Variants in TRIM17 observed in about 807,000 individuals in gnomAD.
TRIM17 encodes the protein E3 ubiquitin-protein ligase TRIM17.
TRIM17 carries 27 observed loss-of-function variants against 35.8 expected under a neutral mutation model. That is an observed-to-expected ratio of 0.75 (90% confidence interval 0.56 to 1.04). The LOEUF (loss-of-function observed/expected upper bound fraction) is 1.04, where lower values mean the gene tolerates loss of function less well. Among genes scored for constraint, TRIM17 ranks in the 50% least tolerant of loss-of-function variants. The pLI is 0.00. For missense variants in TRIM17, 582 were observed against 612.8 expected, an observed-to-expected ratio of 0.95 and a Z score of 0.53; for synonymous variants, 246 against 252.6, an observed-to-expected ratio of 0.97 and a Z score of 0.25.
rs754324113 is a variant in TRIM17, at chr1:228,414,883, C to G, written c.190G>C (p.Glu64Gln). The G allele has an allele frequency of 1.1e-5, 17 of 1,613,584 alleles. No individual in the cohort carries two copies. The highest frequency in any genetic ancestry group is 1.4e-5 in the Non-Finnish European group (16 of 1,179,992). ...CTCTGCGGGGACATCTCTCTGCACT[C>G]GGGGCAGGGGAAGGAGCCCTTCCGC... ...RKRKGSFPCP[E>Q]CREMSPQRNL... Residue 64 changes from glutamate to glutamine, a missense_variant, in exon 2 of 7, where the codon GAG becomes CAG. Transcript: ENST00000366698.
intron 3 of TRIM17, among the ~76,000 whole-genome samples, chr1:228,412,351 T>G (rs1183873885): frequency 1.3e-5 from 2 of 152,066 alleles, no homozygotes; most frequent in Admixed American, 1.3e-4. Flanking sequence ...CTGCACAGAA[T>G]GGGCCTGCTG....
rs489068 is a variant in TRIM17, at chr1:228,411,436, C to G, written c.526-260G>C. On this transcript the variant is annotated intron_variant, in intron 3 of 6. Transcript: ENST00000366698. This position sits in a 1 kb window ranked among gnomAD's most constrained non-coding sequence, Gnocchi z 4.2. Reference sequence around the variant, plus strand: ...CTGAGGAGGTTCAGAATGTCCACCCCCAGATAAGCCTCTTGGGCATGTTAA... The same window carrying G: ...CTGAGGAGGTTCAGAATGTCCACCCGCAGATAAGCCTCTTGGGCATGTTAA... Among the ~76,000 whole-genome samples the G allele has an allele frequency of 9.5e-4, 144 of 152,348 alleles. No individual in the cohort carries two copies. Among genetic ancestry groups the G allele is most frequent in the African/African-American group, 3.3e-3 (136 of 41,592 alleles).
At chr1:228,413,598 C>T (rs1558457860) in intron 3 of TRIM17, among the ~76,000 whole-genome samples, 199 bp downstream of exon 3, 1 of 152,196 alleles carries the variant, frequency 6.6e-6, no homozygotes, top group African/African-American at 2.4e-5. Flanking sequence ...TTAAAATTGC[C>T]TTTTTATCTT....
rs1323312217 is a variant in TRIM17 at position 228,411,736 on chromosome 1, C to T, written c.526-560G>A. Among the ~76,000 whole-genome samples the T allele has an allele frequency of 2.0e-5, 3 of 152,216 alleles. No homozygotes were observed. Among genetic ancestry groups the T allele is most frequent in the Admixed American group, 2.0e-4 (3 of 15,286 alleles). On this transcript the variant is annotated intron_variant, in intron 3 of 6. Transcript: ENST00000366698. The surrounding 1 kb of genome is among the most constrained non-coding windows in gnomAD (Gnocchi z 4.2). ...TGACCTCCTGGCCTCAAGTGACCCT[C>T]CCACCTCAGCCTTCCAAGGAAGTGG...
chr1:228,415,399 T>A (rs1657050903), intron 1 of TRIM17: 3 of 267,852 alleles, frequency 1.1e-5, no homozygotes, highest in Non-Finnish European at 1.4e-5. Flanking sequence ...CCACATCTCA[T>A]CAGCTCCTCC....
rs1248228222 is a variant in TRIM17 at position 228,408,029 on chromosome 1, C to T, written c.*172G>A. 3.4e-6 allele frequency: 2 copies of T among 587,602 alleles called. No homozygotes were observed. The highest frequency in any genetic ancestry group is 9.3e-4 in the Middle Eastern group (2 of 2,140). The allele number at this position is 587,602 out of a possible 1,614,324, so 36.4% of individuals were successfully genotyped here. On this transcript the variant is annotated 3_prime_UTR_variant, in exon 7 of 7. Transcript: ENST00000366698. This position sits in a 1 kb window ranked among gnomAD's most constrained non-coding sequence, Gnocchi z 6.3. ...TAGGAAGCATCTGTCAGTATACCCT[C>T]TTAATGTTTGACAGTTCTAATCACA...
chr1:228,416,299 AC>A, intron 1 of TRIM17: 1 of 980,020 alleles, frequency 1.0e-6, no homozygotes, highest in East Asian at 1.1e-4. Context: ...CCGGGCAGGG[AC>A]AGCGGCAGCG....
chr1:228,412,866 A>T (rs1468125068), intron 3 of TRIM17, among the ~76,000 whole-genome samples: 1 of 152,172 alleles, frequency 6.6e-6, no homozygotes, highest in East Asian at 1.9e-4. Context: ...GCCATTGAGA[A>T]CCCGCAGAAG....
At chr1:228,416,459 G>A (rs1036954021) in intron 1 of TRIM17, 80 bp downstream of exon 1, 1 of 986,774 alleles carries the variant, frequency 1.0e-6, no homozygotes. Context: ...GTTGGAGGGC[G>A]AGGAGGACCG....
chr1:228,413,362 C>T (rs1461882228), intron 3 of TRIM17, among the ~76,000 whole-genome samples: 1 of 152,164 alleles, frequency 6.6e-6, no homozygotes, highest in Non-Finnish European at 1.5e-5. Context: ...CCTCCCCAGC[C>T]CAGAGGCCCC....
chr1:228,410,081 G>T lies in TRIM17; in HGVS notation c.757-670C>A, dbSNP rs995166535. Among the ~76,000 whole-genome samples the T allele has an allele frequency of 2.0e-5, 3 of 151,750 alleles. No homozygotes were observed. Among genetic ancestry groups the T allele is most frequent in the Non-Finnish European group, 4.4e-5 (3 of 67,936 alleles). On this transcript the variant is annotated intron_variant, in intron 4 of 6. Coordinates refer to ENST00000366698, the MANE Select transcript of TRIM17 (RefSeq NM_016102.4). The surrounding 1 kb of genome is among the most constrained non-coding windows in gnomAD (Gnocchi z 4.6). ...AACCAATGTAGTGGGTTGTGAACAG[G>T]CTGCTTTGTTTTTCCTTTTCCTTTT...
intron 3 of TRIM17, among the ~76,000 whole-genome samples, chr1:228,412,911 T>TA (rs1447381622): frequency 6.6e-6 from 1 of 151,918 alleles, no homozygotes; most frequent in African/African-American, 2.4e-5. Flanking sequence ...ATTAGCTGCC[T>TA]AAAAAAATAA....
At position 228,408,065 on chromosome 1, in the gene TRIM17, G is replaced by A. The variant is rs1031746523; in HGVS notation, c.*136C>T. ...ACAGTTCTAATCACAATTATATTTA[G>A]AATTTGAGAAACCCCCCTGTGTGTC... is the stretch of plus-strand genomic sequence containing the variant. On this transcript the variant is annotated 3_prime_UTR_variant, in exon 7 of 7. Coordinates refer to ENST00000366698, the MANE Select transcript of TRIM17 (RefSeq NM_016102.4). The surrounding 1 kb of genome is among the most constrained non-coding windows in gnomAD (Gnocchi z 6.3). 1.3e-6 allele frequency: 1 copy of A among 769,612 alleles called. No homozygotes were observed. Among genetic ancestry groups the A allele is most frequent in the African/African-American group, 1.7e-5 (1 of 57,418 alleles). The allele number at this position is 769,612 out of a possible 1,614,324, so 47.7% of individuals were successfully genotyped here. A position where few individuals can be genotyped will look rare whatever the true frequency, so the allele number is the denominator to read the frequency against.
At chr1:228,413,959 T>C (rs1656936657) in intron 2 of TRIM17, 67 bp from the exon 3 acceptor site, 2 of 1,378,092 alleles carry the variant, frequency 1.5e-6, no homozygotes, top group Non-Finnish European at 2.1e-6. Flanking sequence ...AGAGTCCAGT[T>C]GTGCTCGCTG....
rs112973247 is a variant in TRIM17, at chr1:228,410,102, CT to C, written c.757-692del. The stretch of plus-strand genomic sequence containing the variant: ...ACAGGCTGCTTTGTTTTTCCTTTTC[CT>C]TTTTTTTTTTTTTCCTAGATGTGAT... On this transcript the variant is annotated intron_variant, in intron 4 of 6. Transcript: ENST00000366698. The surrounding 1 kb of genome is among the most constrained non-coding windows in gnomAD (Gnocchi z 4.6). 0.011 allele frequency among the ~76,000 whole-genome samples: 1,499 copies of C among 142,374 alleles called. 12 individuals carry two copies. Among genetic ancestry groups the C allele is most frequent in the African/African-American group, 0.029 (1,136 of 39,010 alleles). 93.4% of individuals were successfully genotyped at this position (142,374 alleles called of 152,430 possible). A position where few individuals can be genotyped will look rare whatever the true frequency, so the allele number is the denominator to read the frequency against.
At chr1:228,415,183 C>A in intron 1 of TRIM17, 70 bp from the exon 2 acceptor site, 1 of 1,282,752 alleles carries the variant, frequency 7.8e-7, no homozygotes, top group South Asian at 1.5e-5. Flanking sequence ...TGTACAGCCT[C>A]CCTTTACAGA....
chr1:228,408,829 T>C lies in TRIM17; in HGVS notation c.884-78A>G, dbSNP rs1038307139. Reference sequence around the variant, plus strand: ...GTCAAAGGTGGGAGTCCCCGGGCCCTAGTGGTGGATGTGGCCAATGGTCCC... The same window carrying C: ...GTCAAAGGTGGGAGTCCCCGGGCCCCAGTGGTGGATGTGGCCAATGGTCCC... On this transcript the variant is annotated intron_variant, in intron 6 of 6. Transcript: ENST00000366698. The surrounding 1 kb of genome is among the most constrained non-coding windows in gnomAD (Gnocchi z 6.3). The C allele has an allele frequency of 2.0e-6, 3 of 1,530,512 alleles. No individual in the cohort carries two copies. The highest frequency in any genetic ancestry group is 1.4e-5 in the African/African-American group (1 of 73,264). The allele number at this position is 1,530,512 out of a possible 1,614,324, so 94.8% of individuals were successfully genotyped here.
At chr1:228,409,492 G>A in intron 4 of TRIM17, 81 bp from the exon 5 acceptor site, 1 of 1,370,276 alleles carries the variant, frequency 7.3e-7, no homozygotes, top group African/African-American at 1.5e-5. Flanking sequence ...TCTTGTCCGT[G>A]TCTTAGGGCA....
rs557300580 is a variant in TRIM17 at position 228,413,466 on chromosome 1, G to A, written c.525+331C>T. Among the ~76,000 whole-genome samples the A allele has an allele frequency of 2.0e-5, 3 of 151,786 alleles. No individual in the cohort carries two copies. The South Asian group carries it at 6.3e-4, about 32-fold the overall frequency. On this transcript the variant is annotated intron_variant, in intron 3 of 6. Transcript: ENST00000366698. ...CCCCCACCTTCTGGCTGCCTCCTTTGTGGTACTGAGCCCCCGCCCTCTGGC... is the reference window on the plus strand; with the variant it reads ...CCCCCACCTTCTGGCTGCCTCCTTTATGGTACTGAGCCCCCGCCCTCTGGC...
Sources: gnomAD v4.1 joint callset for allele counts (sites outside exome capture counted in the v4.1 genomes callset) on GRCh38, gnomAD v4.1.1 for gene constraint, Gnocchi (gnomAD v3.1) non-coding constraint, MANE v1.5 for transcripts, NCBI Gene and HGNC (gene_info 2026-07-23, HGNC 2026-07-21) for gene names.